Variants in ABCA13 observed in about 807,000 individuals in gnomAD.
The protein encoded by ABCA13 is ATP-binding cassette sub-family A member 13.
ABCA13 carries 476 observed loss-of-function variants against 478.7 expected under a neutral mutation model. The ratio of observed to expected loss-of-function variants is 0.99; its 90% confidence interval spans 0.92 to 1.07. The LOEUF is 1.07. Among genes scored for constraint, ABCA13 ranks in the 50% least tolerant of loss-of-function variants. The probability of loss-of-function intolerance (pLI) is 0.00; values close to 1 mark genes in which losing one functional copy is unlikely to be tolerated. For synonymous variants in ABCA13, 2,252 were observed against 2,158.9 expected (o/e 1.04, Z -1.20); for missense variants, 6,060 against 5,910.6 (o/e 1.03, Z -0.83).
rs1322151828 is a variant in ABCA13 at position 48,237,459 on chromosome 7, T to C, written c.898-1782T>C. On this transcript the variant is annotated intron_variant, in intron 8 of 61. Coordinates refer to ENST00000435803, the MANE Select transcript of ABCA13 (RefSeq NM_152701.5). Reference sequence around the variant, plus strand: ...CTACAAACTAAATTCCTCCCATGGTTAGCTTGGTATATGCCCAGGAGTGAG... The same window carrying C: ...CTACAAACTAAATTCCTCCCATGGTCAGCTTGGTATATGCCCAGGAGTGAG... Among the ~76,000 whole-genome samples, 2 of 152,226 alleles carry C rather than the reference T, an allele frequency of 1.3e-5. 1 individual carries two copies. The highest frequency in any genetic ancestry group is 4.8e-5 in the African/African-American group (2 of 41,456).
At chr7:48,501,388 A>T (rs1033160828) in intron 48 of ABCA13, among the ~76,000 whole-genome samples, 1 of 152,202 alleles carries the variant, frequency 6.6e-6, no homozygotes, top group African/African-American at 2.4e-5. Flanking sequence ...GAAAGGCCCC[A>T]TTCCAAGGCC....
chr7:48,296,999 T>C (rs1799470696), intron 21 of ABCA13, among the ~76,000 whole-genome samples: 2 of 152,220 alleles, frequency 1.3e-5, no homozygotes, highest in South Asian at 4.1e-4. Flanking sequence ...CCCTGGTTCA[T>C]CTCGGTTGGC....
intron 12 of ABCA13, 44 bp downstream of exon 12, chr7:48,245,656 C>T: frequency 6.4e-7 from 1 of 1,565,390 alleles, no homozygotes; most frequent in Non-Finnish European, 8.7e-7. Context: ...TTTAATAAAA[C>T]ATTCAAGAAG....
chr7:48,235,101 A>T (rs1185860698), intron 8 of ABCA13, among the ~76,000 whole-genome samples: 3 of 152,226 alleles, frequency 2.0e-5, no homozygotes, highest in East Asian at 3.9e-4. Context: ...GCAGACCCTC[A>T]TGCTGGCTTG....
chr7:48,468,194 G>C (rs976476590), intron 44 of ABCA13, among the ~76,000 whole-genome samples: 2 of 152,100 alleles, frequency 1.3e-5, no homozygotes, highest in African/African-American at 4.8e-5. Context: ...ATAATTAAAG[G>C]ACAGCAGAAC....
intron 6 of ABCA13, 69 bp downstream of exon 6, chr7:48,227,494 A>T: frequency 2.0e-6 from 3 of 1,508,108 alleles, no homozygotes; most frequent in Non-Finnish European, 1.8e-6. Context: ...TAAAATGAGA[A>T]ATAAAAATTA....
chr7:48,417,621 C>T (rs149569357), intron 41 of ABCA13, among the ~76,000 whole-genome samples: 8 of 152,292 alleles, frequency 5.3e-5, no homozygotes, highest in African/African-American at 1.9e-4. Flanking sequence ...TGCCCCCAGC[C>T]TCCTCCACTA....
At chr7:48,602,125 C>T (rs561898411) in intron 58 of ABCA13, among the ~76,000 whole-genome samples, 32 of 152,024 alleles carry the variant, frequency 2.1e-4, no homozygotes, top group Non-Finnish European at 3.8e-4. Context: ...GGATATTAGC[C>T]CTTTGTCAGA....
At chr7:48,360,104 A>G (rs1245302936) in intron 31 of ABCA13, among the ~76,000 whole-genome samples, 2 of 151,664 alleles carry the variant, frequency 1.3e-5, no homozygotes, top group African/African-American at 4.9e-5. Context: ...GGTTTGTTAC[A>G]TATGTATACA....
At chr7:48,268,903 T>A in intron 15 of ABCA13, 77 bp from the exon 16 acceptor site, 4 of 561,476 alleles carry the variant, frequency 7.1e-6, no homozygotes, top group East Asian at 3.8e-5. Flanking sequence ...GGTGAACTAC[T>A]CTAGCATTTT....
Position 48,275,695 on chromosome 7 carries a change from C to T in ABCA13, c.6029C>T (p.Ser2010Phe), listed in dbSNP as rs770812524. 3.1e-6 allele frequency: 5 copies of T among 1,599,066 alleles called. No individual in the cohort carries two copies. In the East Asian group the frequency reaches 1.1e-4, roughly 36 times the overall value. ...TTGGAAAGGACAGTACAATTGATTT[C>T]TGAAGACTGGAGCCTAGAAAAAAGT... is the stretch of plus-strand genomic sequence containing the variant. ...SNLERTVQLI[S>F]EDWSLEKSTH... Residue 2010 changes from serine to phenylalanine, a missense_variant, in exon 17 of 62, where the codon TCT becomes TTT. By Grantham distance (155) the Ser-to-Phe change is radical. Coordinates refer to ENST00000435803, the MANE Select transcript of ABCA13 (RefSeq NM_152701.5).
intron 39 of ABCA13, among the ~76,000 whole-genome samples, chr7:48,405,430 A>G (rs1383638558): frequency 6.6e-6 from 1 of 152,232 alleles, no homozygotes; most frequent in Non-Finnish European, 1.5e-5. Context: ...TCCTGACTCC[A>G]TTTACCTAAG....
intron 31 of ABCA13, 51 bp from the exon 32 acceptor site, chr7:48,367,743 G>A (rs2129016094): frequency 7.3e-6 from 10 of 1,375,340 alleles, no homozygotes; most frequent in Non-Finnish European, 8.1e-6. Flanking sequence ...TAAAAAATTA[G>A]TAGAGTCATT....
At chr7:48,477,488 C>G (rs1828243077) in intron 45 of ABCA13, among the ~76,000 whole-genome samples, 1 of 151,840 alleles carries the variant, frequency 6.6e-6, no homozygotes, top group Non-Finnish European at 1.5e-5. Flanking sequence ...TTGGAACCAA[C>G]CCAAATGTCC....
At chr7:48,578,890 A>G (rs1453797158) in intron 55 of ABCA13, among the ~76,000 whole-genome samples, 1 of 152,214 alleles carries the variant, frequency 6.6e-6, no homozygotes, top group African/African-American at 2.4e-5. Flanking sequence ...GTGGGCAAAT[A>G]ATCATCTTTG....
Position 48,278,687 on chromosome 7 carries a change from T to A in ABCA13, c.7493T>A (p.Met2498Lys). 6.2e-7 allele frequency: 1 copy of A among 1,613,768 alleles called. No individual in the cohort carries two copies. The highest frequency in any genetic ancestry group is 8.5e-7 in the Non-Finnish European group (1 of 1,179,666). The change falls in exon 18 of 62, where the codon ATG becomes AAG. Residue 2498 changes from methionine (M) to lysine (K), a missense_variant. This residue lies in a region of ABCA13 where 4,423 missense variants were observed against 4,309.1 expected (regional missense o/e 1.03). Transcript: ENST00000435803. ...CACGTCCTGAAACCCCTCTTAGAAA[T>A]GTCTGGGACTCTGGTCATGCTGTTG... ...ESHVLKPLLE[M>K]SGTLVMLLND... is the part of the protein sequence containing the mutation.
intron 24 of ABCA13, among the ~76,000 whole-genome samples, chr7:48,310,631 A>T (rs1159148583): frequency 6.6e-6 from 1 of 151,872 alleles, no homozygotes; most frequent in African/African-American, 2.4e-5. Flanking sequence ...CCCTGGAGAG[A>T]ATGTGGAGGG....
At chr7:48,270,782 A>G (rs1795494318) in intron 16 of ABCA13, among the ~76,000 whole-genome samples, 3 of 152,220 alleles carry the variant, frequency 2.0e-5, no homozygotes, top group Non-Finnish European at 2.9e-5. Context: ...ACAAGAGCAG[A>G]GGGTTAAAAA....
chr7:48,203,255 C>T (rs1396155012), intron 3 of ABCA13, among the ~76,000 whole-genome samples: 1 of 152,152 alleles, frequency 6.6e-6, no homozygotes, highest in Non-Finnish European at 1.5e-5. Flanking sequence ...CCAGCTGGCC[C>T]GCAAGCGCCG....
Sources: gnomAD v4.1 joint callset for allele counts (sites outside exome capture counted in the v4.1 genomes callset) on GRCh38, gnomAD v4.1.1 for gene constraint, gnomAD v4.1.1 regional missense constraint, MANE v1.5 for transcripts, NCBI Gene and HGNC (gene_info 2026-07-23, HGNC 2026-07-21) for gene names.